Variants in PALM2AKAP2 observed in about 807,000 individuals in gnomAD.
PALM2AKAP2 encodes PALM2 and AKAP2 fusion, also known as PALM2-AKAP2 fusion protein.
In PALM2AKAP2, 37 loss-of-function variants were observed where a neutral mutation model predicts 71.5. That is an observed-to-expected ratio of 0.52 (90% CI 0.40 to 0.68). The LOEUF (loss-of-function observed/expected upper bound fraction) is 0.68. Among genes scored for constraint, PALM2AKAP2 ranks in the 30% least tolerant of loss-of-function variants. The probability of loss-of-function intolerance (pLI) is 0.00; values close to 1 mark genes in which losing one functional copy is unlikely to be tolerated. For synonymous variants in PALM2AKAP2, 468 were observed against 478.8 expected (o/e 0.98, Z 0.29); for missense variants, 1,224 against 1,191.8 (o/e 1.03, Z -0.40).
chr9:109,707,874 A>G (rs548746831), intron 1 of PALM2AKAP2, among the ~76,000 whole-genome samples: 17 of 152,298 alleles, frequency 1.1e-4, no homozygotes, highest in African/African-American at 3.8e-4. Context: ...ATAATCGCAT[A>G]GTGGCACCGA....
chr9:109,974,355 C>A (rs1377994833), intron 6 of PALM2AKAP2, among the ~76,000 whole-genome samples: 3 of 152,172 alleles, frequency 2.0e-5, no homozygotes, highest in Non-Finnish European at 4.4e-5. Flanking sequence ...AGGAACCTAC[C>A]ATGTGCTTCC....
intron 1 of PALM2AKAP2, among the ~76,000 whole-genome samples, chr9:109,686,652 A>G (rs568093271): frequency 1.3e-5 from 2 of 151,696 alleles, no homozygotes; most frequent in South Asian, 2.1e-4. Context: ...TTTTACTTTT[A>G]TTTTTTAGAG....
intron 2 of PALM2AKAP2, among the ~76,000 whole-genome samples, chr9:110,155,611 C>A (rs1836430115): frequency 6.6e-6 from 1 of 152,142 alleles, no homozygotes; most frequent in South Asian, 2.1e-4. Flanking sequence ...CTGGTGTGCA[C>A]CTTTTCCATT....
intron 3 of PALM2AKAP2, among the ~76,000 whole-genome samples, chr9:110,161,547 C>G (rs1312451236): frequency 6.6e-6 from 1 of 152,152 alleles, no homozygotes; most frequent in Non-Finnish European, 1.5e-5. Flanking sequence ...TACCCAGGCC[C>G]CCAGGGTTCT....
At chr9:109,968,314 C>T (rs1831995761) in intron 6 of PALM2AKAP2, among the ~76,000 whole-genome samples, 1 of 152,166 alleles carries the variant, frequency 6.6e-6, no homozygotes, top group Admixed American at 6.5e-5. Context: ...TGGGAAACCT[C>T]CTTCTTCCAC....
chr9:109,649,940 T>C (rs1215607173), intron 1 of PALM2AKAP2, among the ~76,000 whole-genome samples: 1 of 152,218 alleles, frequency 6.6e-6, no homozygotes, highest in African/African-American at 2.4e-5. Flanking sequence ...TTTTTGGTGC[T>C]TTACCACTAC....
chr9:110,026,440 G>A (rs1222354755), intron 7 of PALM2AKAP2, among the ~76,000 whole-genome samples: 8 of 151,536 alleles, frequency 5.3e-5, no homozygotes, highest in Admixed American at 4.6e-4. Context: ...TTTTTTATTA[G>A]CCTAATCAAT....
intron 3 of PALM2AKAP2, among the ~76,000 whole-genome samples, chr9:109,881,428 CT>C (rs1440284188): frequency 6.6e-6 from 1 of 152,140 alleles, no homozygotes; most frequent in Non-Finnish European, 1.5e-5. Context: ...TTCAAATTTG[CT>C]GTATTTGGTC....
intron 1 of PALM2AKAP2, among the ~76,000 whole-genome samples, chr9:109,733,009 G>A (rs1476811174): frequency 6.6e-6 from 1 of 152,134 alleles, no homozygotes; most frequent in Non-Finnish European, 1.5e-5. Flanking sequence ...AGGTAGACAG[G>A]ACCCAGATAA....
intron 1 of PALM2AKAP2, among the ~76,000 whole-genome samples, chr9:109,738,481 A>T (rs1027187931): frequency 9.9e-5 from 15 of 152,254 alleles, no homozygotes; most frequent in Non-Finnish European, 1.9e-4. Flanking sequence ...AAGTGAATTT[A>T]GCAAGGTCTC....
At chr9:110,044,337 T>C (rs1333578091), upstream of PALM2AKAP2, among the ~76,000 whole-genome samples, 1 of 143,794 alleles carries the variant, frequency 7.0e-6, no homozygotes, top group African/African-American at 2.7e-5. Context: ...TTTCTTTTTC[T>C]TTCTTTCTTT....
chr9:110,048,880 A>G, intron 1 of PALM2AKAP2: 1 of 1,516,696 alleles, frequency 6.6e-7, no homozygotes, highest in East Asian at 2.5e-5. Flanking sequence ...TGGGGAGGGG[A>G]GGGGCTGGAG....
At chr9:110,052,475 A>G (rs1833731251) in intron 1 of PALM2AKAP2, among the ~76,000 whole-genome samples, 1 of 152,204 alleles carries the variant, frequency 6.6e-6, no homozygotes, top group Non-Finnish European at 1.5e-5. Context: ...CCTTTCAAAC[A>G]CATTTTTCAT....
Position 109,962,774 on chromosome 9 carries a change from T to C in PALM2AKAP2, c.496+30746T>C, listed in dbSNP as rs1588034972. Among the ~76,000 whole-genome samples, 4 of 152,008 alleles carry C rather than the reference T, an allele frequency of 2.6e-5. No individual in the cohort carries two copies. The South Asian group carries it at 8.3e-4, about 31-fold the overall frequency. Reference sequence around the variant, plus strand: ...TCTCCTGCCTCAGCCTCCTGAGTAGTTGGGATTACAGGTGCATGCGACCAA... The same window carrying C: ...TCTCCTGCCTCAGCCTCCTGAGTAGCTGGGATTACAGGTGCATGCGACCAA... On this transcript the variant is annotated intron_variant, in intron 6 of 9. Coordinates refer to the PALM2AKAP2 transcript ENST00000302798.
intron 1 of PALM2AKAP2, among the ~76,000 whole-genome samples, chr9:109,774,536 A>T (rs1216041187): frequency 6.6e-6 from 1 of 152,224 alleles, no homozygotes; most frequent in Admixed American, 6.5e-5. Flanking sequence ...GAATCATTAA[A>T]AGCAGAGTCT....
At chr9:109,941,145 C>CT (rs34635858) in intron 6 of PALM2AKAP2, among the ~76,000 whole-genome samples, 17,216 of 106,272 alleles carry the variant, frequency 0.16, 1,502 homozygotes, top group Middle Eastern at 0.25. Context: ...TCTTCCTCTT[C>CT]TTTTTTTTTT....
rs182848961 is a variant in PALM2AKAP2 at position 109,811,154 on chromosome 9, A to G, written c.45+30621A>G. On this transcript the variant is annotated intron_variant, in intron 1 of 9. Coordinates refer to the PALM2AKAP2 transcript ENST00000302798. Reference sequence around the variant, plus strand: ...GGATCTTGAATTTAAATAAGAGCAGACAGTAGAAATCAGGTCTTGGGTGTG... The same window carrying G: ...GGATCTTGAATTTAAATAAGAGCAGGCAGTAGAAATCAGGTCTTGGGTGTG... 3.3e-5 allele frequency among the ~76,000 whole-genome samples: 5 copies of G among 152,314 alleles called. No individual in the cohort carries two copies. In the East Asian group the frequency reaches 9.6e-4, roughly 29 times the overall value.
chr9:109,927,159 A>G (rs1299253045), intron 5 of PALM2AKAP2, among the ~76,000 whole-genome samples: 1 of 152,212 alleles, frequency 6.6e-6, no homozygotes, highest in East Asian at 1.9e-4. Flanking sequence ...GTTATCACCA[A>G]GCCTGGGTGA....
intron 1 of PALM2AKAP2, among the ~76,000 whole-genome samples, chr9:110,100,792 A>G (rs1458238048): frequency 2.0e-5 from 3 of 152,188 alleles, no homozygotes; most frequent in African/African-American, 7.2e-5. Flanking sequence ...TGGGCACATG[A>G]CAAAGACATG....
Sources: gnomAD v4.1 joint callset for allele counts (sites outside exome capture counted in the v4.1 genomes callset) on GRCh38, gnomAD v4.1.1 for gene constraint, MANE v1.5 for transcripts, NCBI Gene and HGNC (gene_info 2026-07-23, HGNC 2026-07-21) for gene names.